Variants in MRPL1 observed in about 807,000 individuals in gnomAD.
MRPL1 encodes mitochondrial ribosomal protein L1, also known as large ribosomal subunit protein uL1m.
MRPL1 carries 28 observed loss-of-function variants against 38.0 expected under a neutral mutation model. The ratio of observed to expected loss-of-function variants is 0.74; its 90% CI spans 0.55 to 1.01. The LOEUF (loss-of-function observed/expected upper bound fraction) is 1.01, where lower values mean the gene tolerates loss of function less well. Ranked by LOEUF, MRPL1 falls within the 50% of genes least tolerant of loss-of-function variation. MRPL1 has a pLI of 0.00. For synonymous variants in MRPL1, 123 were observed against 126.7 expected, an observed-to-expected ratio of 0.97 and a Z score of 0.20; for missense variants, 358 against 389.8, an observed-to-expected ratio of 0.92 and a Z score of 0.69.
intron 1 of MRPL1, among the ~76,000 whole-genome samples, chr4:77,870,304 T>C (rs1735250744): frequency 6.6e-6 from 1 of 152,246 alleles, no homozygotes; most frequent in Admixed American, 6.5e-5. Context: ...GGTTCTTGTA[T>C]AGTACAACTA....
At chr4:77,866,204 A>G (rs1245673263) in intron 1 of MRPL1, among the ~76,000 whole-genome samples, 3 of 152,110 alleles carry the variant, frequency 2.0e-5, no homozygotes, top group Admixed American at 1.3e-4. Flanking sequence ...GGCACATGCC[A>G]CTGGGTCCGG....
At chr4:77,907,232 T>C in intron 6 of MRPL1, 1 of 919,618 alleles carries the variant, frequency 1.1e-6, no homozygotes, top group Non-Finnish European at 1.3e-6. Context: ...TATAGTGGAA[T>C]ATACCATATT....
chr4:77,913,384 A>T (rs2110249970), intron 7 of MRPL1, among the ~76,000 whole-genome samples: 1 of 152,302 alleles, frequency 6.6e-6, no homozygotes, highest in East Asian at 1.9e-4. Context: ...TAGATGACAA[A>T]CACATGGAAA....
At chr4:77,910,823 A>C (rs1378957023) in intron 7 of MRPL1, among the ~76,000 whole-genome samples, 3 of 152,154 alleles carry the variant, frequency 2.0e-5, no homozygotes, top group Non-Finnish European at 4.4e-5. Context: ...GCTTGCCATC[A>C]TTATCATCAA....
chr4:77,919,739 A>G (rs1282826309), intron 7 of MRPL1, among the ~76,000 whole-genome samples: 1 of 152,118 alleles, frequency 6.6e-6, no homozygotes, highest in Non-Finnish European at 1.5e-5. Context: ...ATAACATTTA[A>G]TACCATAATA....
chr4:77,924,000 CAAA>C (rs33925926), intron 7 of MRPL1, among the ~76,000 whole-genome samples: 5 of 142,850 alleles, frequency 3.5e-5, no homozygotes, highest in African/African-American at 2.6e-5. Flanking sequence ...GACTCTGTCT[CAAA>C]AAAAAAAAAA....
At chr4:77,870,379 G>A (rs1323027644) in intron 1 of MRPL1, among the ~76,000 whole-genome samples, 2 of 151,976 alleles carry the variant, frequency 1.3e-5, no homozygotes, top group African/African-American at 4.8e-5. Flanking sequence ...TTTATCATAC[G>A]TGATTTTTCA....
chr4:77,902,958 C>G (rs2110245026), intron 6 of MRPL1, among the ~76,000 whole-genome samples: 1 of 152,268 alleles, frequency 6.6e-6, no homozygotes, highest in Non-Finnish European at 1.5e-5. Flanking sequence ...TCTTCACAAC[C>G]TCTTTTAGAA....
chr4:77,899,272 G>A (rs1221324117), intron 6 of MRPL1, among the ~76,000 whole-genome samples: 1 of 151,232 alleles, frequency 6.6e-6, no homozygotes, highest in Non-Finnish European at 1.5e-5. Context: ...CTCCCAAAGT[G>A]CTGGGATTAC....
intron 7 of MRPL1, among the ~76,000 whole-genome samples, chr4:77,930,358 C>T (rs1200840075): frequency 6.6e-6 from 1 of 152,216 alleles, no homozygotes; most frequent in Admixed American, 6.5e-5. Flanking sequence ...TCTGTATTTA[C>T]AGCCGCTCCC....
At chr4:77,888,095 T>C (rs781070089) in intron 5 of MRPL1, among the ~76,000 whole-genome samples, 3 of 152,210 alleles carry the variant, frequency 2.0e-5, no homozygotes, top group Non-Finnish European at 4.4e-5. Context: ...GTATGGTATC[T>C]GCCCTCTATA....
At chr4:77,886,838 G>C (rs1735688875) in intron 4 of MRPL1, among the ~76,000 whole-genome samples, 1 of 133,584 alleles carries the variant, frequency 7.5e-6, no homozygotes, top group Admixed American at 9.2e-5. Flanking sequence ...TGCCACCCAG[G>C]CTGGAGTGCA....
chr4:77,877,046 G>A (rs752394837), intron 2 of MRPL1, among the ~76,000 whole-genome samples: 11 of 152,170 alleles, frequency 7.2e-5, no homozygotes, highest in Middle Eastern at 3.4e-3. Flanking sequence ...GATTACAGGC[G>A]CGCACCACCA....
chr4:77,890,190 T>G (rs1281206275), intron 5 of MRPL1, among the ~76,000 whole-genome samples: 4 of 152,208 alleles, frequency 2.6e-5, no homozygotes, highest in African/African-American at 9.6e-5. Flanking sequence ...AAGAGAATTT[T>G]AGACCAATAT....
chr4:77,874,428 A>G (rs895684167), intron 2 of MRPL1, among the ~76,000 whole-genome samples: 3 of 152,120 alleles, frequency 2.0e-5, no homozygotes, highest in African/African-American at 7.2e-5. Context: ...TTTTCTTTCC[A>G]TTCTTTTTCT....
chr4:77,872,742 A>G (rs1735311227), intron 2 of MRPL1, among the ~76,000 whole-genome samples: 1 of 152,180 alleles, frequency 6.6e-6, no homozygotes, highest in South Asian at 2.1e-4. Flanking sequence ...AGGCACCTGT[A>G]ATCCCAGCCA....
intron 7 of MRPL1, among the ~76,000 whole-genome samples, chr4:77,915,890 A>G (rs571688997): frequency 2.0e-5 from 3 of 152,368 alleles, no homozygotes; most frequent in Admixed American, 2.0e-4. Flanking sequence ...TTAATCAGTT[A>G]TATTGCTATC....
At chr4:77,887,719 T>A (rs1450740518) in intron 5 of MRPL1, among the ~76,000 whole-genome samples, 3 of 152,062 alleles carry the variant, frequency 2.0e-5, no homozygotes, top group Admixed American at 2.0e-4. Context: ...GGGTTCTTGT[T>A]TGTTGCCCAG....
At chr4:77,867,817 C>T (rs1473908718) in intron 1 of MRPL1, among the ~76,000 whole-genome samples, 1 of 142,888 alleles carries the variant, frequency 7.0e-6, no homozygotes, top group East Asian at 2.1e-4. Context: ...AGGGCAGTGG[C>T]ACGATCTCGG....
Sources: allele counts gnomAD v4.1 joint callset (sites outside exome capture counted in the v4.1 genomes callset), GRCh38; gene constraint gnomAD v4.1.1; transcripts MANE v1.5; gene names NCBI Gene and HGNC (gene_info 2026-07-23, HGNC 2026-07-21).